Variants in ELAVL4 observed in about 807,000 individuals in gnomAD.
The protein encoded by ELAVL4 is ELAV like RNA binding protein 4.
In ELAVL4, 1 loss-of-function variant was observed where a neutral mutation model predicts 35.6. The ratio of observed to expected loss-of-function variants is 0.03; its 90% CI spans 0.01 to 0.13. ELAVL4 has a LOEUF of 0.13. Among genes scored for constraint, ELAVL4 ranks in the 10% least tolerant of loss-of-function variants. The probability of loss-of-function intolerance (pLI) is 1.00; values close to 1 mark genes in which losing one functional copy is unlikely to be tolerated. For synonymous variants in ELAVL4, 156 were observed against 171.0 expected, an observed-to-expected ratio of 0.91 and a Z score of 0.69; for missense variants, 267 against 464.9, an observed-to-expected ratio of 0.57 and a Z score of 3.91.
chr1:50,103,843 A>ACAGC, upstream of ELAVL4: 5 of 1,499,890 alleles, frequency 3.3e-6, no homozygotes, highest in Non-Finnish European at 4.5e-6. Flanking sequence ...GGTAATCCAG[A>ACAGC]CAGCCGGAAC....
chr1:50,143,929 A>T (rs1416773176), intron 1 of ELAVL4, among the ~76,000 whole-genome samples: 1 of 152,110 alleles, frequency 6.6e-6, no homozygotes, highest in Non-Finnish European at 1.5e-5. Context: ...CATGTTTGTC[A>T]TTCCATACAG....
chr1:50,056,711 C>T (rs1472426888), intron 1 of ELAVL4, among the ~76,000 whole-genome samples: 5 of 152,252 alleles, frequency 3.3e-5, no homozygotes, highest in Admixed American at 2.6e-4. Flanking sequence ...CCAAGTCAGG[C>T]GGATCACGAG....
At chr1:50,066,970 G>A (rs999524068) in intron 1 of ELAVL4, among the ~76,000 whole-genome samples, 4 of 152,166 alleles carry the variant, frequency 2.6e-5, no homozygotes, top group Non-Finnish European at 5.9e-5. Flanking sequence ...GTGCCGAACA[G>A]CTTGAAAGAG....
intron 1 of ELAVL4, among the ~76,000 whole-genome samples, chr1:50,065,120 C>G (rs551798413): frequency 6.6e-6 from 1 of 152,268 alleles, no homozygotes; most frequent in East Asian, 1.9e-4. Context: ...ACAGCCCAAC[C>G]AGTCTGCTCA....
chr1:50,080,802 C>A (rs915406856), intron 1 of ELAVL4, among the ~76,000 whole-genome samples: 7 of 152,154 alleles, frequency 4.6e-5, no homozygotes, highest in African/African-American at 1.7e-4. Flanking sequence ...TGCTGCCTTT[C>A]CTCCAAGACA....
At chr1:50,112,866 C>T (rs1394514076) in intron 1 of ELAVL4, among the ~76,000 whole-genome samples, 2 of 151,942 alleles carry the variant, frequency 1.3e-5, no homozygotes, top group African/African-American at 2.4e-5. Flanking sequence ...ATACTCCTTC[C>T]TTGGTCCTTT....
At chr1:50,131,782 C>G (rs1029697791) in intron 1 of ELAVL4, among the ~76,000 whole-genome samples, 2 of 151,474 alleles carry the variant, frequency 1.3e-5, no homozygotes, top group East Asian at 3.9e-4. Context: ...GAGCAAGACT[C>G]TGTCTCAAAA....
At chr1:50,084,695 C>T (rs1665159066) in intron 1 of ELAVL4, among the ~76,000 whole-genome samples, 1 of 152,072 alleles carries the variant, frequency 6.6e-6, no homozygotes, top group Non-Finnish European at 1.5e-5. Context: ...ATTTCCTCTG[C>T]CTCAAACACT....
intron 1 of ELAVL4, among the ~76,000 whole-genome samples, chr1:50,069,235 C>T (rs924972919): frequency 1.7e-4 from 26 of 152,130 alleles, no homozygotes; most frequent in African/African-American, 6.0e-4. Flanking sequence ...GACAAGGACA[C>T]CTCATTCTCT....
At chr1:50,182,458 T>C (rs918861659) in intron 3 of ELAVL4, among the ~76,000 whole-genome samples, 2 of 152,112 alleles carry the variant, frequency 1.3e-5, no homozygotes, top group Non-Finnish European at 2.9e-5. Context: ...TCCTGTCTCA[T>C]GGGGGACACA....
upstream of ELAVL4, among the ~76,000 whole-genome samples, chr1:50,107,532 C>G (rs546731398): frequency 6.6e-6 from 1 of 152,206 alleles, no homozygotes; most frequent in African/African-American, 2.4e-5. Context: ...ATTTTCTTTC[C>G]TAATAATTTT....
At chr1:50,113,371 T>G (rs1344275175) in intron 1 of ELAVL4, among the ~76,000 whole-genome samples, 17 of 152,128 alleles carry the variant, frequency 1.1e-4, no homozygotes, top group Admixed American at 1.1e-3. Context: ...ATTTTAATTT[T>G]TTTAAAAAAA....
upstream of ELAVL4, among the ~76,000 whole-genome samples, chr1:50,104,240 G>T (rs557832300): frequency 1.3e-5 from 2 of 152,170 alleles, no homozygotes; most frequent in East Asian, 3.9e-4. Context: ...AAATAGAGAG[G>T]TTACCTTGAG....
intron 3 of ELAVL4, among the ~76,000 whole-genome samples, chr1:50,186,258 C>G (rs1167271266): frequency 6.6e-6 from 1 of 152,168 alleles, no homozygotes; most frequent in African/African-American, 2.4e-5. Flanking sequence ...AAATCCGCGG[C>G]ATAAAGTATA....
At chr1:50,117,101 T>C (rs1286232478) in intron 1 of ELAVL4, among the ~76,000 whole-genome samples, 1 of 152,130 alleles carries the variant, frequency 6.6e-6, no homozygotes, top group Non-Finnish European at 1.5e-5. Context: ...CTAAAATATG[T>C]AAATTGGTTT....
intron 3 of ELAVL4, among the ~76,000 whole-genome samples, chr1:50,182,254 G>A (rs1037566921): frequency 7.9e-5 from 12 of 152,204 alleles, no homozygotes; most frequent in African/African-American, 2.2e-4. Flanking sequence ...AGAGAAATAC[G>A]TTTACCAAAG....
chr1:50,162,300 A>G (rs1020511167), intron 2 of ELAVL4, among the ~76,000 whole-genome samples: 16 of 152,200 alleles, frequency 1.1e-4, no homozygotes, highest in Non-Finnish European at 1.8e-4. Context: ...TTGAAAATCT[A>G]CTATGTACCA....
In ELAVL4 at chr1:50,111,237, C is replaced by CT. The variant is rs548633832; in HGVS notation, c.9+2051dup. Among the ~76,000 whole-genome samples the CT allele has an allele frequency of 2.3e-3, 323 of 138,490 alleles. 1 individual carries two copies. The highest frequency in any genetic ancestry group is 4.8e-3 in the African/African-American group (180 of 37,890). The allele number at this position is 138,490 out of a possible 152,430, so 90.9% of individuals were successfully genotyped here. Reference sequence around the variant, plus strand: ...GGGGAAGGGAGGGTAGGGAATCTTGCTTTTTTTTTTTTCCTTTTTCCCCCT... The same window carrying CT: ...GGGGAAGGGAGGGTAGGGAATCTTGCTTTTTTTTTTTTTCCTTTTTCCCCCT... On this transcript the variant is annotated intron_variant, in intron 1 of 6. Coordinates refer to ENST00000371824, the MANE Select transcript of ELAVL4 (RefSeq NM_001144774.3).
intron 3 of ELAVL4, among the ~76,000 whole-genome samples, chr1:50,189,027 G>A (rs187830844): frequency 6.6e-6 from 1 of 152,316 alleles, no homozygotes; most frequent in Non-Finnish European, 1.5e-5. Flanking sequence ...GCACATAGTA[G>A]ATGTTTAGGA....
Sources: gnomAD v4.1 joint callset for allele counts (sites outside exome capture counted in the v4.1 genomes callset) on GRCh38, gnomAD v4.1.1 for gene constraint, MANE v1.5 for transcripts, NCBI Gene and HGNC (gene_info 2026-07-23, HGNC 2026-07-21) for gene names.